Variants in ROBO2 observed in about 807,000 individuals in gnomAD.
ROBO2 encodes roundabout homolog 2.
Under a neutral mutation model 160.8 loss-of-function variants are expected in ROBO2, and 53 were observed. The ratio of observed to expected loss-of-function variants is 0.33; its 90% CI spans 0.26 to 0.41. ROBO2 has a LOEUF of 0.41. Among genes scored for constraint, ROBO2 ranks in the 10% least tolerant of loss-of-function variants. ROBO2 has a pLI of 1.00. For synonymous variants in ROBO2, 664 were observed against 611.7 expected (o/e 1.09, Z -1.26); for missense variants, 1,577 against 1,722.4 (o/e 0.92, Z 1.49).
At chr3:76,428,695 A>T (rs1028173411) in intron 2 of ROBO2, among the ~76,000 whole-genome samples, 1 of 152,152 alleles carries the variant, frequency 6.6e-6, no homozygotes, top group Non-Finnish European at 1.5e-5. Context: ...TATATATTAG[A>T]TTTGGTTTTA....
intron 2 of ROBO2, among the ~76,000 whole-genome samples, chr3:76,223,645 G>T (rs1218133514): frequency 6.6e-6 from 1 of 152,076 alleles, no homozygotes; most frequent in African/African-American, 2.4e-5. Flanking sequence ...AACTTGTATT[G>T]CAATTAAGCC....
chr3:76,436,656 G>T (rs1276608277), intron 2 of ROBO2, among the ~76,000 whole-genome samples: 2 of 151,742 alleles, frequency 1.3e-5, no homozygotes, highest in Non-Finnish European at 2.9e-5. Context: ...ACAGAAAATA[G>T]AATAAAGTTA....
chr3:76,115,417 T>C (rs2070424303), intron 2 of ROBO2, among the ~76,000 whole-genome samples: 1 of 152,112 alleles, frequency 6.6e-6, no homozygotes, highest in African/African-American at 2.4e-5. Flanking sequence ...GGGAGGTGCC[T>C]CAAATAGAAT....
intron 2 of ROBO2, among the ~76,000 whole-genome samples, chr3:76,145,309 G>A (rs1169154082): frequency 6.6e-6 from 1 of 151,900 alleles, no homozygotes; most frequent in East Asian, 1.9e-4. Flanking sequence ...AGAAATAAAG[G>A]CATAAAAGAA....
Position 77,321,065 on chromosome 3 carries a change from A to G in ROBO2, c.389-156349A>G, listed in dbSNP as rs75994652. Among the ~76,000 whole-genome samples the G allele has an allele frequency of 4.1e-3, 625 of 152,184 alleles. 2 individuals are homozygous for G. Among genetic ancestry groups the G allele is most frequent in the Middle Eastern group, 0.014 (4 of 294 alleles). On this transcript the variant is annotated intron_variant, in intron 2 of 25. Coordinates refer to ENST00000461745, the Ensembl canonical transcript of ROBO2. ...AAGATAGTTAATAAAGGGGTTTTAG[A>G]TTTTTTTCATAATTTATTGGGTCGG...
intron 2 of ROBO2, among the ~76,000 whole-genome samples, chr3:77,276,106 A>C (rs906095066): frequency 6.6e-6 from 1 of 152,120 alleles, no homozygotes; most frequent in African/African-American, 2.4e-5. Flanking sequence ...ACCACCTTAT[A>C]GAAAAGTCAG....
chr3:76,432,491 C>T (rs2076479772), intron 2 of ROBO2, among the ~76,000 whole-genome samples: 1 of 152,086 alleles, frequency 6.6e-6, no homozygotes, highest in African/African-American at 2.4e-5. Context: ...TCAGACAGGA[C>T]TGCAGTTATC....
At chr3:76,088,790 C>A (rs578132615) in intron 2 of ROBO2, among the ~76,000 whole-genome samples, 1 of 151,976 alleles carries the variant, frequency 6.6e-6, no homozygotes, top group South Asian at 2.1e-4. Flanking sequence ...ACAATATAAG[C>A]TTCACATGAA....
intron 14 of ROBO2, 99 bp from the exon 16 acceptor site, chr3:77,577,391 G>A: frequency 1.3e-6 from 2 of 1,505,926 alleles, no homozygotes; most frequent in South Asian, 2.3e-5. Flanking sequence ...CTGGAAGCCA[G>A]AGTCTCCTGC....
At chr3:77,350,163 C>A (rs916887205) in intron 2 of ROBO2, among the ~76,000 whole-genome samples, 1 of 151,578 alleles carries the variant, frequency 6.6e-6, no homozygotes. Flanking sequence ...AATCTCAGCA[C>A]TTTGGGAGAC....
chr3:76,415,230 AG>A (rs2108872136), intron 2 of ROBO2, among the ~76,000 whole-genome samples: 1 of 152,310 alleles, frequency 6.6e-6, no homozygotes, highest in South Asian at 2.1e-4. Flanking sequence ...CCATATTGAC[AG>A]TTCTGAGGCA....
At chr3:76,723,641 G>A (rs2093500339) in intron 2 of ROBO2, among the ~76,000 whole-genome samples, 1 of 152,068 alleles carries the variant, frequency 6.6e-6, no homozygotes. Context: ...AAGCCCCATA[G>A]CTACATATTC....
At chr3:77,362,599 AT>A (rs2070199559) in intron 2 of ROBO2, among the ~76,000 whole-genome samples, 1 of 152,144 alleles carries the variant, frequency 6.6e-6, no homozygotes, top group African/African-American at 2.4e-5. Context: ...GGCTGACTGA[AT>A]TTTGGTTAAG....
At chr3:76,322,636 A>G (rs2072661732) in intron 2 of ROBO2, among the ~76,000 whole-genome samples, 1 of 152,264 alleles carries the variant, frequency 6.6e-6, no homozygotes, top group Non-Finnish European at 1.5e-5. Context: ...ACTTATAATA[A>G]TTAATTTTAA....
intron 2 of ROBO2, among the ~76,000 whole-genome samples, chr3:77,426,486 A>C (rs1480405205): frequency 2.0e-5 from 3 of 152,038 alleles, no homozygotes; most frequent in African/African-American, 7.2e-5. Flanking sequence ...GGATTTGAAT[A>C]ATGGGAATAT....
intron 2 of ROBO2, among the ~76,000 whole-genome samples, chr3:75,976,521 G>C (rs1356164304): frequency 6.6e-6 from 1 of 151,542 alleles, no homozygotes; most frequent in Non-Finnish European, 1.5e-5. Context: ...CAGAGCGGAA[G>C]AGAGGAACTT....
At chr3:77,098,552 A>G (rs1369651216) in intron 2 of ROBO2, among the ~76,000 whole-genome samples, 2 of 152,138 alleles carry the variant, frequency 1.3e-5, no homozygotes, top group Non-Finnish European at 2.9e-5. Flanking sequence ...CCAATATGTT[A>G]TTATAAGAAA....
At chr3:76,138,568 T>A (rs2071515614) in intron 2 of ROBO2, among the ~76,000 whole-genome samples, 1 of 152,076 alleles carries the variant, frequency 6.6e-6, no homozygotes, top group African/African-American at 2.4e-5. Flanking sequence ...GCACCTCTTT[T>A]AAAGTGTTCC....
intron 2 of ROBO2, among the ~76,000 whole-genome samples, chr3:76,803,433 G>GAAGGATGGAGGGAAGGA (rs1560590514): frequency 3.9e-5 from 5 of 128,716 alleles, no homozygotes; most frequent in Non-Finnish European, 8.0e-5. Context: ...TACAAAAGAG[G>GAAGGATGGAGGGAAGGA]AGGAAGGATG....
Sources: gnomAD v4.1 joint callset for allele counts (sites outside exome capture counted in the v4.1 genomes callset) on GRCh38, gnomAD v4.1.1 for gene constraint, MANE v1.5 for transcripts, NCBI Gene and HGNC (gene_info 2026-07-23, HGNC 2026-07-21) for gene names.